PTPRN2: variants seen among roughly 807,000 people sequenced by gnomAD.
PTPRN2 encodes receptor-type tyrosine-protein phosphatase N2.
PTPRN2 carries 74 observed loss-of-function variants against 118.8 expected under a neutral mutation model. The ratio of observed to expected loss-of-function variants is 0.62; its 90% CI spans 0.52 to 0.76. PTPRN2 has a LOEUF of 0.76. Among genes scored for constraint, PTPRN2 ranks in the 30% least tolerant of loss-of-function variants. The probability of loss-of-function intolerance (pLI) is 0.00; values close to 1 mark genes in which losing one functional copy is unlikely to be tolerated. For synonymous variants in PTPRN2, 641 were observed against 608.0 expected (o/e 1.05, Z -0.80); for missense variants, 1,481 against 1,394.4 (o/e 1.06, Z -0.99).
At chr7:157,982,386 T>G (rs1283795777) in intron 11 of PTPRN2, among the ~76,000 whole-genome samples, 6 of 131,926 alleles carry the variant, frequency 4.5e-5, no homozygotes, top group Non-Finnish European at 7.9e-5. Context: ...AGGAGGGGAA[T>G]GCAGAGTGCA....
intron 12 of PTPRN2, among the ~76,000 whole-genome samples, chr7:157,693,003 C>T (rs1797589279): frequency 6.6e-6 from 1 of 151,964 alleles, no homozygotes; most frequent in Non-Finnish European, 1.5e-5. Context: ...CCTCGGCGTC[C>T]CCAGCCAGGC....
intron 11 of PTPRN2, among the ~76,000 whole-genome samples, chr7:158,026,591 T>G (rs1263226149): frequency 6.6e-6 from 1 of 152,196 alleles, no homozygotes; most frequent in Non-Finnish European, 1.5e-5. Flanking sequence ...AAAACAACTT[T>G]TACCAATTAA....
intron 12 of PTPRN2, among the ~76,000 whole-genome samples, chr7:157,819,882 C>G (rs1390840910): frequency 6.6e-6 from 1 of 151,846 alleles, no homozygotes; most frequent in Non-Finnish European, 1.5e-5. Flanking sequence ...CACACGCACA[C>G]AACAGACACA....
At chr7:157,742,386 T>C (rs1259847044) in intron 12 of PTPRN2, among the ~76,000 whole-genome samples, 1 of 152,172 alleles carries the variant, frequency 6.6e-6, no homozygotes, top group African/African-American at 2.4e-5. Flanking sequence ...GTTACTTGGA[T>C]ACAAGTAGGA....
rs1804035394 is a variant in PTPRN2, at chr7:157,632,686, T to C, written c.2197-11177A>G. On this transcript the variant is annotated intron_variant, in intron 14 of 22. Coordinates refer to ENST00000389418, the MANE Select transcript of PTPRN2 (RefSeq NM_002847.5). This position sits in a 1 kb window ranked among gnomAD's most constrained non-coding sequence, Gnocchi z 4.3. ...GATGACAGAGGCATCACTTTGTATT[T>C]CAGGCTGTCATTCTCAGAGAAGCGC... Among the ~76,000 whole-genome samples, 1 of 152,190 alleles carries C rather than the reference T, an allele frequency of 6.6e-6. No homozygotes were observed. Among genetic ancestry groups the C allele is most frequent in the African/African-American group, 2.4e-5 (1 of 41,436 alleles).
In PTPRN2 at chr7:158,250,117, C is replaced by G. The variant is rs150433914; in HGVS notation, c.278-44844G>C. On this transcript the variant is annotated intron_variant, in intron 3 of 22. Transcript: ENST00000389418. ...ATTGTTGAAGTATGGTACATCAGCT[C>G]TAAATGCTTCACATATTTATGGAAA... Among the ~76,000 whole-genome samples, 267 of 152,224 alleles carry G rather than the reference C, an allele frequency of 1.8e-3. 1 individual carries two copies. The highest frequency in any genetic ancestry group is 5.8e-3 in the African/African-American group (242 of 41,534).
intron 2 of PTPRN2, among the ~76,000 whole-genome samples, chr7:158,352,660 G>A (rs563853641): frequency 6.6e-6 from 1 of 152,332 alleles, no homozygotes; most frequent in Admixed American, 6.5e-5. Flanking sequence ...ATTGGGGTAG[G>A]CTGGTATTGG....
At chr7:158,532,772 C>A (rs1248749445) in intron 1 of PTPRN2, 1 of 534,654 alleles carries the variant, frequency 1.9e-6, no homozygotes, top group Non-Finnish European at 3.8e-6. Context: ...CCTTACAAGA[C>A]TACATTGAGC....
chr7:158,512,463 G>C (rs1191169530), intron 1 of PTPRN2, among the ~76,000 whole-genome samples: 1 of 152,126 alleles, frequency 6.6e-6, no homozygotes, highest in Non-Finnish European at 1.5e-5. Flanking sequence ...GGTTAGCTTG[G>C]TATAGATACA....
chr7:157,595,656 G>T (rs1158538320), intron 16 of PTPRN2, among the ~76,000 whole-genome samples: 1 of 146,114 alleles, frequency 6.8e-6, no homozygotes, highest in Non-Finnish European at 1.5e-5. Flanking sequence ...AGGAAGCCCG[G>T]AAGTTAGGGA....
At chr7:157,805,301 G>GTGTA (rs1805560188) in intron 12 of PTPRN2, among the ~76,000 whole-genome samples, 1 of 151,452 alleles carries the variant, frequency 6.6e-6, no homozygotes, top group Non-Finnish European at 1.5e-5. Flanking sequence ...GTGTGTGTGT[G>GTGTA]TGTGTGTGTG....
chr7:157,688,777 G>C (rs1347396241), intron 12 of PTPRN2, among the ~76,000 whole-genome samples: 1 of 152,198 alleles, frequency 6.6e-6, no homozygotes, highest in Non-Finnish European at 1.5e-5. Flanking sequence ...TTTGAGCAGA[G>C]GGCGAGGGAA....
intron 11 of PTPRN2, among the ~76,000 whole-genome samples, chr7:157,902,547 C>T: frequency 7.0e-6 from 1 of 142,462 alleles, no homozygotes. Context: ...ACGTGGGGAC[C>T]AGCCCCGCGG....
At chr7:158,358,798 G>A (rs1808593066) in intron 2 of PTPRN2, among the ~76,000 whole-genome samples, 1 of 152,208 alleles carries the variant, frequency 6.6e-6, no homozygotes, top group African/African-American at 2.4e-5. Context: ...TTGGGGAGGG[G>A]GAGTCAGCAT....
chr7:157,816,929 CCT>C (rs558983767), intron 12 of PTPRN2, among the ~76,000 whole-genome samples: 1 of 152,366 alleles, frequency 6.6e-6, no homozygotes, highest in African/African-American at 2.4e-5. Flanking sequence ...CACCCCAAGA[CCT>C]CTCTCTAACA....
At chr7:158,198,736 T>C (rs56092321) in intron 4 of PTPRN2, among the ~76,000 whole-genome samples, 1 of 128,730 alleles carries the variant, frequency 7.8e-6, no homozygotes, top group Admixed American at 7.8e-5. Flanking sequence ...GCCCTTAGCA[T>C]GTTCTTCTCA....
chr7:157,814,509 C>T (rs116808542), intron 12 of PTPRN2, among the ~76,000 whole-genome samples: 8 of 121,946 alleles, frequency 6.6e-5, no homozygotes, highest in Admixed American at 9.7e-5. Context: ...CGGGGCAGGA[C>T]GGGGCAGGAC....
intron 13 of PTPRN2, chr7:157,669,585 A>G (rs1202846482): frequency 2.1e-6 from 1 of 484,142 alleles, no homozygotes; most frequent in Non-Finnish European, 4.1e-6. Context: ...ACGGGCAAAC[A>G]AGCCGAGTCA....
In PTPRN2 at chr7:158,141,143, C is replaced by T. The variant is rs560327888; in HGVS notation, c.911-2628G>A. Among the ~76,000 whole-genome samples the T allele has an allele frequency of 3.8e-3, 584 of 152,320 alleles. 2 individuals are homozygous for T. Among genetic ancestry groups the T allele is most frequent in the Non-Finnish European group, 5.1e-3 (348 of 68,020 alleles). On this transcript the variant is annotated intron_variant, in intron 6 of 22. Coordinates refer to ENST00000389418, the MANE Select transcript of PTPRN2 (RefSeq NM_002847.5). ...CCGCAACCTTCTGCCCTAGAGGGAT[C>T]CCACTGCGACCCTCTGCCCTAGAGG... is the stretch of plus-strand genomic sequence containing the variant.
Sources: gnomAD v4.1 joint callset for allele counts (sites outside exome capture counted in the v4.1 genomes callset) on GRCh38, gnomAD v4.1.1 for gene constraint, Gnocchi (gnomAD v3.1) non-coding constraint, MANE v1.5 for transcripts, NCBI Gene and HGNC (gene_info 2026-07-23, HGNC 2026-07-21) for gene names.